Variants in AGFG2 observed in about 807,000 individuals in gnomAD.
AGFG2 encodes ArfGAP with FG repeats 2.
In AGFG2, 31 loss-of-function variants were observed where a neutral mutation model predicts 48.0. That is an observed-to-expected ratio of 0.65 (90% CI 0.49 to 0.87). AGFG2 has a LOEUF of 0.87. Ranked by LOEUF, AGFG2 falls within the 40% of genes least tolerant of loss-of-function variation. AGFG2 has a pLI of 0.00. For synonymous variants in AGFG2, 229 were observed against 260.8 expected, an observed-to-expected ratio of 0.88 and a Z score of 1.18; for missense variants, 599 against 632.6, an observed-to-expected ratio of 0.95 and a Z score of 0.57.
At position 100,555,553 on chromosome 7, in the gene AGFG2, G is replaced by T. The variant is rs554303346; in HGVS notation, c.752-57G>T. 1.9e-6 allele frequency: 3 copies of T among 1,574,698 alleles called. No individual in the cohort carries two copies. The African/African-American group carries it at 4.0e-5, about 21-fold the overall frequency. On this transcript the variant is annotated intron_variant, in intron 5 of 11. Transcript: ENST00000300176. ...CTCCCAAAGTGCTGGAATTACAGGCGTGAGCTACCACACCCGACAATTTTC... is the reference window on the plus strand; with the variant it reads ...CTCCCAAAGTGCTGGAATTACAGGCTTGAGCTACCACACCCGACAATTTTC...
At chr7:100,558,255 A>C (rs970241645) in intron 6 of AGFG2, among the ~76,000 whole-genome samples, 2 of 152,134 alleles carry the variant, frequency 1.3e-5, no homozygotes, top group African/African-American at 4.8e-5. Context: ...CAACCTAATT[A>C]ATCAGAGAAA....
At chr7:100,547,635 T>G (rs1800538650) in intron 1 of AGFG2, among the ~76,000 whole-genome samples, 1 of 152,108 alleles carries the variant, frequency 6.6e-6, no homozygotes, top group Non-Finnish European at 1.5e-5. Flanking sequence ...TGAGACCAGT[T>G]GAGTGGGGAC....
intron 2 of AGFG2, among the ~76,000 whole-genome samples, chr7:100,549,721 C>G (rs1426648500): frequency 6.6e-6 from 1 of 152,034 alleles, no homozygotes; most frequent in East Asian, 1.9e-4. Flanking sequence ...CAAGCTCTTG[C>G]TTGCTCTGTC....
Position 100,557,027 on chromosome 7 carries a change from G to A in AGFG2, c.877+1292G>A, listed in dbSNP as rs1465808171. On this transcript the variant is annotated intron_variant, in intron 6 of 11. Transcript: ENST00000300176. ...AGCCTGGCCAACATGGTGAAACACCGTCTCTACTCAAAATACAAAAATTAG... is the reference window on the plus strand; with the variant it reads ...AGCCTGGCCAACATGGTGAAACACCATCTCTACTCAAAATACAAAAATTAG... 3.3e-5 allele frequency among the ~76,000 whole-genome samples: 5 copies of A among 151,986 alleles called. No homozygotes were observed. The South Asian group carries it at 6.2e-4, about 19-fold the overall frequency.
At chr7:100,545,705 T>C (rs951703260) in intron 1 of AGFG2, among the ~76,000 whole-genome samples, 5 of 152,276 alleles carry the variant, frequency 3.3e-5, no homozygotes, top group African/African-American at 9.6e-5. Flanking sequence ...CTGAGAGTTA[T>C]GTTGGGGAGC....
In AGFG2 at chr7:100,554,239, T is replaced by C. The variant is rs1481084037; in HGVS notation, c.732T>C (p.Ala244=). 3 of 1,613,254 alleles carry C rather than the reference T, an allele frequency of 1.9e-6. No individual in the cohort carries two copies. The African/African-American group carries it at 4.0e-5, about 22-fold the overall frequency. The change falls in exon 5 of 12, where the codon GCT becomes GCC. Residue 244 remains alanine (A), a synonymous_variant. Coordinates refer to ENST00000300176, the MANE Select transcript of AGFG2 (RefSeq NM_006076.5). ...FAAPQMAPAF[A]AFPAFGGQTP... is the part of the protein sequence containing the mutation. ...CACCCCAGATGGCACCAGCTTTTGC[T>C]GCATTCCCTGCCTTTGGGGGTAAGT...
At chr7:100,557,869 G>A (rs1221723180) in intron 6 of AGFG2, among the ~76,000 whole-genome samples, 1 of 152,092 alleles carries the variant, frequency 6.6e-6, no homozygotes, top group Non-Finnish European at 1.5e-5. Context: ...CTGTGAATAT[G>A]AAAATATAAT....
At chr7:100,544,395 CCTT>C (rs1423191633) in intron 1 of AGFG2, among the ~76,000 whole-genome samples, 1 of 152,196 alleles carries the variant, frequency 6.6e-6, no homozygotes, top group Non-Finnish European at 1.5e-5. Context: ...TTCCTGCCCT[CCTT>C]GTGCCTTACT....
At chr7:100,557,516 C>T (rs1800782651) in intron 6 of AGFG2, among the ~76,000 whole-genome samples, 2 of 152,152 alleles carry the variant, frequency 1.3e-5, no homozygotes, top group South Asian at 2.1e-4. Context: ...GGCTGGAGTG[C>T]AATGGCGTGA....
intron 1 of AGFG2, among the ~76,000 whole-genome samples, chr7:100,541,010 CAAAAAAA>C (rs11353093): frequency 1.8e-3 from 137 of 75,538 alleles, no homozygotes; most frequent in Non-Finnish European, 2.5e-3. Context: ...GACACTGTCT[CAAAAAAA>C]AAAAAAAAAA....
At chr7:100,554,299 T>G in intron 5 of AGFG2, 41 bp downstream of exon 5, 1 of 1,572,388 alleles carries the variant, frequency 6.4e-7, no homozygotes, top group South Asian at 1.2e-5. Context: ...ACAGCGTATA[T>G]GCTTACAACA....
intron 6 of AGFG2, among the ~76,000 whole-genome samples, chr7:100,557,008 G>A (rs1235272749): frequency 6.6e-6 from 1 of 152,030 alleles, no homozygotes; most frequent in Non-Finnish European, 1.5e-5. Context: ...CATAAGCCTG[G>A]CCAACATGGT....
At chr7:100,542,715 CATGGTGGCACGG>C (rs947658079) in intron 1 of AGFG2, among the ~76,000 whole-genome samples, 44 of 152,260 alleles carry the variant, frequency 2.9e-4, no homozygotes, top group Admixed American at 2.4e-3. Context: ...GGCATGGCTC[CATGGTGGCACGG>C]AGACCAATTA....
In AGFG2 at chr7:100,563,922, G is replaced by A. The variant is rs1800937753; in HGVS notation, c.1260G>A (p.Pro420=). 3 of 1,609,156 alleles carry A rather than the reference G, an allele frequency of 1.9e-6. No homozygotes were observed. Among genetic ancestry groups the A allele is most frequent in the Non-Finnish European group, 1.7e-6 (2 of 1,179,986 alleles). ...CCTTTGCCAGCTCCTTCCCAGCACC[G>A]CTGTTCCCCCCGCAGACCCCGCTTG... ...TGAFASSFPA[P]LFPPQTPLVQ... Residue 420 remains proline (P), a synonymous_variant, in exon 10 of 12, where the codon CCG becomes CCA. Coordinates refer to ENST00000300176, the MANE Select transcript of AGFG2 (RefSeq NM_006076.5).
chr7:100,551,496 T>C (rs1282771169), intron 3 of AGFG2, among the ~76,000 whole-genome samples: 1 of 149,820 alleles, frequency 6.7e-6, no homozygotes, highest in African/African-American at 2.4e-5. Context: ...TGAGCCACCG[T>C]GCCCGGCCTT....
At chr7:100,551,885 C>CA (rs59484677) in intron 3 of AGFG2, among the ~76,000 whole-genome samples, 1,169 of 16,846 alleles carry the variant, frequency 0.069, 230 homozygotes, top group Non-Finnish European at 0.084. Context: ...GAGACTGTCT[C>CA]AAAAAAAAAA....
chr7:100,541,333 T>C (rs761933900), intron 1 of AGFG2, among the ~76,000 whole-genome samples: 1 of 152,304 alleles, frequency 6.6e-6, no homozygotes, highest in Non-Finnish European at 1.5e-5. Flanking sequence ...GACTTTGGTC[T>C]AAGTAAAAGT....
chr7:100,565,019 T>C lies in AGFG2; in HGVS notation c.*28T>C. The C allele has an allele frequency of 6.2e-7, 1 of 1,612,480 alleles. No homozygotes were observed. The highest frequency in any genetic ancestry group is 2.2e-5 in the East Asian group (1 of 44,876). On this transcript the variant is annotated 3_prime_UTR_variant, in exon 12 of 12. Coordinates refer to ENST00000300176, the MANE Select transcript of AGFG2 (RefSeq NM_006076.5). ...CTGTGTTTTTGGGGGGCCTCTTCCC[T>C]GCCTTCTGGGGCCCCTCTGCTCCCT...
chr7:100,562,684 T>C lies in AGFG2; in HGVS notation c.1087+2T>C, dbSNP rs759582693. The C allele has an allele frequency of 1.2e-6, 2 of 1,605,488 alleles. No homozygotes were observed. The highest frequency in any genetic ancestry group is 1.7e-5 in the Admixed American group (1 of 59,790). ...GCAGCACAGGGCTGGCCTTTGGAGG[T>C]GAGTCCTGCCTGTGGAGACCCAGGG... On this transcript the variant is annotated splice_donor_variant, in intron 8 of 11. Transcript: ENST00000300176. LOFTEE classifies it high-confidence loss of function. This position sits in a 1 kb window ranked among gnomAD's most constrained non-coding sequence, Gnocchi z 5.4.
Sources: gnomAD v4.1 joint callset for allele counts (sites outside exome capture counted in the v4.1 genomes callset) on GRCh38, gnomAD v4.1.1 for gene constraint, Gnocchi (gnomAD v3.1) non-coding constraint, MANE v1.5 for transcripts, NCBI Gene and HGNC (gene_info 2026-07-23, HGNC 2026-07-21) for gene names.